Variants in AK5 observed in about 807,000 individuals in gnomAD.
The protein encoded by AK5 is adenylate kinase isoenzyme 5.
AK5 carries 27 observed loss-of-function variants against 69.5 expected under a neutral mutation model. The observed-to-expected ratio is 0.39, with a 90% CI of 0.29 to 0.54. AK5 has a LOEUF of 0.54. AK5 is among the 20% of genes least tolerant of loss of function. The pLI is 0.71. For synonymous variants in AK5, 260 were observed against 244.4 expected (o/e 1.06, Z -0.60); for missense variants, 531 against 700.4 (o/e 0.76, Z 2.73).
intron 6 of AK5, among the ~76,000 whole-genome samples, chr1:77,373,056 A>G (rs1208485489): frequency 6.6e-6 from 1 of 152,100 alleles, no homozygotes; most frequent in Non-Finnish European, 1.5e-5. Flanking sequence ...TTTTTTTGGA[A>G]TTGTGTCTAA....
intron 12 of AK5, among the ~76,000 whole-genome samples, chr1:77,530,026 GA>G (rs930392600): frequency 6.6e-6 from 1 of 152,174 alleles, no homozygotes; most frequent in Non-Finnish European, 1.5e-5. Context: ...ACACTTCATT[GA>G]CAGAACCAGT....
chr1:77,541,893 C>T (rs1659293164), intron 13 of AK5, among the ~76,000 whole-genome samples: 1 of 152,174 alleles, frequency 6.6e-6, no homozygotes, highest in Non-Finnish European at 1.5e-5. Flanking sequence ...CTCCTTGGCT[C>T]TCTTAGCTGT....
At chr1:77,549,968 T>A (rs914133920) in intron 13 of AK5, among the ~76,000 whole-genome samples, 13 of 152,026 alleles carry the variant, frequency 8.6e-5, no homozygotes, top group Admixed American at 2.0e-4. Context: ...TTATTTTTTT[T>A]TTTTAAGGGA....
At chr1:77,534,407 T>C (rs1247630920) in intron 12 of AK5, among the ~76,000 whole-genome samples, 1 of 151,950 alleles carries the variant, frequency 6.6e-6, no homozygotes, top group East Asian at 1.9e-4. Flanking sequence ...TCACCTACTG[T>C]GTGCAAGACT....
At chr1:77,426,493 T>C (rs1651218255) in intron 8 of AK5, among the ~76,000 whole-genome samples, 1 of 152,168 alleles carries the variant, frequency 6.6e-6, no homozygotes, top group African/African-American at 2.4e-5. Flanking sequence ...CAAAAACTAG[T>C]AGAATAGCAA....
intron 13 of AK5, among the ~76,000 whole-genome samples, chr1:77,544,900 A>G (rs1010473397): frequency 6.6e-6 from 1 of 152,236 alleles, no homozygotes; most frequent in Non-Finnish European, 1.5e-5. Flanking sequence ...ACGTGATTGT[A>G]CGTGCTATAC....
intron 13 of AK5, among the ~76,000 whole-genome samples, chr1:77,538,464 C>T (rs2100364284): frequency 6.6e-6 from 1 of 151,722 alleles, no homozygotes; most frequent in Non-Finnish European, 1.5e-5. Flanking sequence ...CTAGTGATTT[C>T]CACCTTTTGA....
At chr1:77,444,185 C>A (rs1652522201) in intron 8 of AK5, among the ~76,000 whole-genome samples, 1 of 129,238 alleles carries the variant, frequency 7.7e-6, no homozygotes, top group Non-Finnish European at 1.6e-5. Flanking sequence ...ATATATATGT[C>A]AGATAAGTGG....
chr1:77,398,850 A>G (rs1204258395), intron 6 of AK5, among the ~76,000 whole-genome samples: 1 of 152,146 alleles, frequency 6.6e-6, no homozygotes, highest in Non-Finnish European at 1.5e-5. Context: ...TGTTCAATAT[A>G]TCTATATTGA....
intron 10 of AK5, among the ~76,000 whole-genome samples, chr1:77,489,278 A>T (rs2100733685): frequency 6.6e-6 from 1 of 152,358 alleles, no homozygotes; most frequent in Non-Finnish European, 1.5e-5. Context: ...TCTTCTATCT[A>T]ACAAAACTCT....
At chr1:77,311,586 G>A (rs17100304) in intron 5 of AK5, among the ~76,000 whole-genome samples, 10,252 of 152,074 alleles carry the variant, frequency 0.067, 438 homozygotes, top group Non-Finnish European at 0.085. Flanking sequence ...AAAGAAAGTC[G>A]TTATTGTCGT....
intron 5 of AK5, among the ~76,000 whole-genome samples, chr1:77,328,671 A>G (rs1660932790): frequency 6.6e-6 from 1 of 152,192 alleles, no homozygotes; most frequent in Admixed American, 6.5e-5. Flanking sequence ...GAATCCACTA[A>G]CGATATACTC....
intron 8 of AK5, among the ~76,000 whole-genome samples, chr1:77,460,784 T>C (rs1203535241): frequency 1.3e-5 from 2 of 152,078 alleles, no homozygotes; most frequent in Non-Finnish European, 2.9e-5. Flanking sequence ...AGTGCAGTGA[T>C]GCAATCTCGG....
intron 6 of AK5, among the ~76,000 whole-genome samples, chr1:77,390,742 A>T (rs1243328961): frequency 6.6e-6 from 1 of 152,220 alleles, no homozygotes; most frequent in Non-Finnish European, 1.5e-5. Context: ...AACTTAATTT[A>T]CATCTTTTTA....
At chr1:77,288,112 T>C (rs1167784366) in intron 2 of AK5, among the ~76,000 whole-genome samples, 1 of 152,222 alleles carries the variant, frequency 6.6e-6, no homozygotes, top group East Asian at 1.9e-4. Context: ...TTGGGTGCTA[T>C]AAAGGAAGTT....
intron 13 of AK5, among the ~76,000 whole-genome samples, chr1:77,545,984 TA>T (rs1659525770): frequency 3.3e-5 from 5 of 152,324 alleles, no homozygotes; most frequent in African/African-American, 1.2e-4. Context: ...ACTTTTTCTT[TA>T]TGACTCTGCT....
At chr1:77,556,038 G>A (rs531916849) in intron 13 of AK5, among the ~76,000 whole-genome samples, 2 of 152,352 alleles carry the variant, frequency 1.3e-5, no homozygotes, top group African/African-American at 2.4e-5. Flanking sequence ...TGAGTCTCCT[G>A]TAAGGATGAA....
intron 5 of AK5, among the ~76,000 whole-genome samples, chr1:77,310,907 T>G (rs1659915038): frequency 6.6e-6 from 1 of 152,134 alleles, no homozygotes; most frequent in African/African-American, 2.4e-5. Flanking sequence ...GGTTTTATAA[T>G]TTTTCATATA....
In AK5 at chr1:77,514,469, G is replaced by A. The variant is rs190141741; in HGVS notation, c.1148-4095G>A. On this transcript the variant is annotated intron_variant, in intron 10 of 13. Coordinates refer to ENST00000354567, the MANE Select transcript of AK5 (RefSeq NM_174858.3). Reference sequence around the variant, plus strand: ...TAAGTTAAGACCTCAAAGATATGTCGGTGGCAGTATATGAAAATTTATGTT... The same window carrying A: ...TAAGTTAAGACCTCAAAGATATGTCAGTGGCAGTATATGAAAATTTATGTT... 2.0e-3 allele frequency among the ~76,000 whole-genome samples: 310 copies of A among 152,256 alleles called. 3 individuals carry two copies. Among genetic ancestry groups the A allele is most frequent in the African/African-American group, 6.7e-3 (279 of 41,550 alleles).
Sources: gnomAD v4.1 joint callset for allele counts (sites outside exome capture counted in the v4.1 genomes callset) on GRCh38, gnomAD v4.1.1 for gene constraint, MANE v1.5 for transcripts, NCBI Gene and HGNC (gene_info 2026-07-23, HGNC 2026-07-21) for gene names.